The following BRAF variants were observed in gnomAD, a reference collection of about 807,000 sequenced individuals.
BRAF encodes B-Raf proto-oncogene, serine/threonine kinase.
Under a neutral mutation model 104.6 loss-of-function variants are expected in BRAF, and 16 were observed. The observed-to-expected ratio is 0.15, with a 90% CI of 0.10 to 0.23. The LOEUF (loss-of-function observed/expected upper bound fraction) is 0.23. Ranked by LOEUF, BRAF falls within the 10% of genes least tolerant of loss-of-function variation. BRAF has a pLI of 1.00. For missense variants in BRAF, 541 were observed against 937.3 expected, an observed-to-expected ratio of 0.58 and a Z score of 5.52; for synonymous variants, 310 against 341.6, an observed-to-expected ratio of 0.91 and a Z score of 1.02.
rs549309255 is a variant in BRAF, at chr7:140,832,432, T to C, written c.504+2177A>G. Among the ~76,000 whole-genome samples the C allele has an allele frequency of 1.7e-4, 26 of 152,252 alleles. 1 individual carries two copies. The highest frequency in any genetic ancestry group is 1.3e-3 in the Admixed American group (20 of 15,300). ...AGAACTTGGAACACAGCATGGCAAA[T>C]GCTCAAATAGTAACTGTTAATGTTA... On this transcript the variant is annotated intron_variant, in intron 3 of 19. Coordinates refer to ENST00000644969, the MANE Select transcript of BRAF (RefSeq NM_001374258.1).
At chr7:140,782,470 A>AAG (rs1042583167) in intron 11 of BRAF, among the ~76,000 whole-genome samples, 1 of 151,990 alleles carries the variant, frequency 6.6e-6, no homozygotes, top group African/African-American at 2.4e-5. Flanking sequence ...TTCCAAAAAA[A>AAG]AAAAAAAAAT....
chr7:140,757,401 T>G (rs1200142580), intron 14 of BRAF, among the ~76,000 whole-genome samples: 1 of 152,098 alleles, frequency 6.6e-6, no homozygotes, highest in African/African-American at 2.4e-5. Flanking sequence ...GTGATTCTCC[T>G]GCCTCAGCCT....
chr7:140,787,049 C>T (rs1050906219), intron 9 of BRAF, among the ~76,000 whole-genome samples: 6 of 152,098 alleles, frequency 3.9e-5, no homozygotes, highest in African/African-American at 1.4e-4. Flanking sequence ...CGCCTGTAAT[C>T]CCAGCACTTT....
At chr7:140,876,463 C>A (rs976899078) in intron 1 of BRAF, among the ~76,000 whole-genome samples, 1 of 152,126 alleles carries the variant, frequency 6.6e-6, no homozygotes, top group Non-Finnish European at 1.5e-5. Context: ...AAACCTAAAT[C>A]TAAACATGCC....
intron 14 of BRAF, among the ~76,000 whole-genome samples, chr7:140,763,088 T>C (rs867114626): frequency 1.3e-5 from 2 of 152,218 alleles, no homozygotes; most frequent in African/African-American, 2.4e-5. Flanking sequence ...AAAACCGCCA[T>C]TGTCATCATG....
At chr7:140,826,797 C>T (rs879461503) in intron 3 of BRAF, among the ~76,000 whole-genome samples, 4 of 152,170 alleles carry the variant, frequency 2.6e-5, no homozygotes, top group South Asian at 4.1e-4. Flanking sequence ...TATATAATTA[C>T]GTTACCATCC....
At chr7:140,845,924 C>T (rs1460246462) in intron 2 of BRAF, among the ~76,000 whole-genome samples, 1 of 152,114 alleles carries the variant, frequency 6.6e-6, no homozygotes, top group Non-Finnish European at 1.5e-5. Context: ...CGTGATCCGC[C>T]CACCTTAGCC....
chr7:140,793,244 G>T (rs1007112337), intron 8 of BRAF, among the ~76,000 whole-genome samples: 1 of 152,162 alleles, frequency 6.6e-6, no homozygotes, highest in African/African-American at 2.4e-5. Flanking sequence ...AAAGATGAAG[G>T]TTGCAATTTT....
intron 14 of BRAF, among the ~76,000 whole-genome samples, chr7:140,767,017 T>G (rs1363471815): frequency 6.6e-6 from 1 of 152,016 alleles, no homozygotes; most frequent in African/African-American, 2.4e-5. Context: ...TATTTACTTA[T>G]TTTTGAGACA....
In BRAF at chr7:140,725,314, T is replaced by C. The variant is rs1208106436; in HGVS notation, c.*1180A>G. 1.9e-6 allele frequency: 2 copies of C among 1,026,928 alleles called. No individual in the cohort carries two copies. Among genetic ancestry groups the C allele is most frequent in the Non-Finnish European group, 1.2e-6 (1 of 850,330 alleles). The allele number at this position is 1,026,928 out of a possible 1,614,324, so 63.6% of individuals were successfully genotyped here. On this transcript the variant is annotated 3_prime_UTR_variant, in exon 20 of 20. Transcript: ENST00000644969. ...TTGAAAAATTATAAATATTTGTCAT[T>C]ATGCTAAGACTCCTCATATTTAGGT...
At chr7:140,805,421 GAAGGA>G (rs1353368761) in intron 5 of BRAF, among the ~76,000 whole-genome samples, 1 of 152,112 alleles carries the variant, frequency 6.6e-6, no homozygotes, top group Non-Finnish European at 1.5e-5. Context: ...CAAAACAGCT[GAAGGA>G]AAGAAAACAT....
At chr7:140,855,601 T>G (rs555588594) in intron 1 of BRAF, among the ~76,000 whole-genome samples, 190 of 151,148 alleles carry the variant, frequency 1.3e-3, no homozygotes, top group Middle Eastern at 3.5e-3. Context: ...TTAAAGAAAA[T>G]GTAATTAAAA....
At chr7:140,838,355 T>C (rs1261439122) in intron 2 of BRAF, among the ~76,000 whole-genome samples, 5 of 152,206 alleles carry the variant, frequency 3.3e-5, no homozygotes, top group African/African-American at 1.2e-4. Context: ...TTGTAGAGAC[T>C]ACCACATAGC....
At chr7:140,829,213 C>T (rs1173713121) in intron 3 of BRAF, among the ~76,000 whole-genome samples, 1 of 149,712 alleles carries the variant, frequency 6.7e-6, no homozygotes, top group African/African-American at 2.5e-5. Context: ...GGGGGGCATA[C>T]ATAATTTCAA....
chr7:140,787,705 A>G, intron 8 of BRAF, 121 bp from the exon 9 acceptor site: 1 of 836,970 alleles, frequency 1.2e-6, no homozygotes, highest in Non-Finnish European at 1.9e-6. Context: ...AATACATCTT[A>G]TAACTATTAC....
At chr7:140,752,357 A>C (rs1479556426) in intron 16 of BRAF, among the ~76,000 whole-genome samples, 1 of 152,164 alleles carries the variant, frequency 6.6e-6, no homozygotes, top group Non-Finnish European at 1.5e-5. Flanking sequence ...TGTCTGGCTT[A>C]ACAGCAGCCA....
intron 1 of BRAF, among the ~76,000 whole-genome samples, chr7:140,883,014 G>GTAAATAAA (rs34394570): frequency 0.011 from 1,647 of 148,740 alleles, 29 homozygotes; most frequent in African/African-American, 0.035. Context: ...ATAAAATAAA[G>GTAAATAAA]TAAATAAATA....
At chr7:140,779,014 T>TA in intron 12 of BRAF, among the ~76,000 whole-genome samples, 1 of 152,310 alleles carries the variant, frequency 6.6e-6, no homozygotes, top group Admixed American at 6.5e-5. Flanking sequence ...AATCATGTTA[T>TA]AGTCACACAA....
intron 1 of BRAF, among the ~76,000 whole-genome samples, chr7:140,918,243 T>C (rs1817829270): frequency 6.6e-6 from 1 of 152,214 alleles, no homozygotes; most frequent in Non-Finnish European, 1.5e-5. Flanking sequence ...TTGGGACCAG[T>C]GACCAATTTC....
Sources: allele counts gnomAD v4.1 joint callset (sites outside exome capture counted in the v4.1 genomes callset), GRCh38; gene constraint gnomAD v4.1.1; transcripts MANE v1.5; gene names NCBI Gene and HGNC (gene_info 2026-07-23, HGNC 2026-07-21).